The following HERPUD2 variants were observed in gnomAD, a reference collection of about 807,000 sequenced individuals.
HERPUD2 encodes the protein homocysteine-responsive endoplasmic reticulum-resident ubiquitin-like domain member 2 protein.
HERPUD2 carries 13 observed loss-of-function variants against 49.9 expected under a neutral mutation model. The observed-to-expected ratio is 0.26, with a 90% CI of 0.17 to 0.41. The LOEUF (loss-of-function observed/expected upper bound fraction) is 0.41. HERPUD2 is among the 10% of genes least tolerant of loss of function. HERPUD2 has a pLI of 1.00. For missense variants in HERPUD2, 449 were observed against 492.2 expected (o/e 0.91, Z 0.83); for synonymous variants, 172 against 171.4 (o/e 1.00, Z -0.03).
In HERPUD2 at chr7:35,633,063, C is replaced by A. The variant is rs143476624; in HGVS notation, c.*627G>T. Reference sequence around the variant, plus strand: ...TAGCTATAGACATTTATATGTGAAGCAGCTCTTTTTTTTTTTTTTCTGAGA... The same window carrying A: ...TAGCTATAGACATTTATATGTGAAGAAGCTCTTTTTTTTTTTTTTCTGAGA... On this transcript the variant is annotated 3_prime_UTR_variant, in exon 9 of 9. Coordinates refer to ENST00000311350, the MANE Select transcript of HERPUD2 (RefSeq NM_022373.5). 1 of 151,456 alleles carries A rather than the reference C, an allele frequency of 6.6e-6. No individual in the cohort carries two copies. The highest frequency in any genetic ancestry group is 1.5e-5 in the Non-Finnish European group (1 of 67,862). 9.4% of individuals were successfully genotyped at this position (151,456 alleles called of 1,614,324 possible).
chr7:35,640,946 G>T (rs566095443), intron 5 of HERPUD2, among the ~76,000 whole-genome samples: 2 of 152,180 alleles, frequency 1.3e-5, no homozygotes, highest in South Asian at 4.1e-4. Flanking sequence ...TGAAACCACA[G>T]ATAGCCTAGA....
At chr7:35,654,497 G>A (rs562291552) in intron 5 of HERPUD2, among the ~76,000 whole-genome samples, 3 of 151,100 alleles carry the variant, frequency 2.0e-5, no homozygotes, top group African/African-American at 7.3e-5. Context: ...AGAGAAAATG[G>A]GTAAATTCTT....
At chr7:35,658,647 A>ACT (rs1785336170) in intron 5 of HERPUD2, among the ~76,000 whole-genome samples, 1 of 152,250 alleles carries the variant, frequency 6.6e-6, no homozygotes, top group Admixed American at 6.5e-5. Flanking sequence ...TACAATAAGT[A>ACT]GCTTTTCAGA....
Position 35,635,392 on chromosome 7 carries a change from A to T in HERPUD2, c.684T>A (p.Pro228=). Residue 228 remains proline, a synonymous_variant, in exon 7 of 9, where the codon CCT becomes CCA. Coordinates refer to ENST00000311350, the MANE Select transcript of HERPUD2 (RefSeq NM_022373.5). ...CTCCAGGAACATGTGCCAAATTTAG[A>T]GGCTGTGAAGTAGTAGGCTGGGTTG... is the stretch of plus-strand genomic sequence containing the variant. ...VNPTQPTTSQ[P]LNLAHVPGEE... is the part of the protein sequence containing the mutation. 1 of 1,614,078 alleles carries T rather than the reference A, an allele frequency of 6.2e-7. No homozygotes were observed. Among genetic ancestry groups the T allele is most frequent in the Non-Finnish European group, 8.5e-7 (1 of 1,180,004 alleles).
intron 2 of HERPUD2, among the ~76,000 whole-genome samples, chr7:35,674,378 C>CATAT (rs1562682656): frequency 0.018 from 609 of 34,728 alleles, 61 homozygotes; most frequent in South Asian, 0.03. Context: ...AGTCTTACAA[C>CATAT]CTATATATAT....
At chr7:35,685,960 C>CAAAATAAATAAA (rs70974762) in intron 2 of HERPUD2, among the ~76,000 whole-genome samples, 7,678 of 147,906 alleles carry the variant, frequency 0.052, 278 homozygotes, top group Non-Finnish European at 0.074. Context: ...GACCCTGTCT[C>CAAAATAAATAAA]TAAATAAATA....
intron 5 of HERPUD2, among the ~76,000 whole-genome samples, chr7:35,661,466 G>A (rs1785420854): frequency 6.6e-6 from 1 of 152,168 alleles, no homozygotes; most frequent in Admixed American, 6.5e-5. Flanking sequence ...ACCTTGGGCA[G>A]TATGGCCATT....
chr7:35,647,696 T>C (rs1436275617), intron 5 of HERPUD2, among the ~76,000 whole-genome samples: 2 of 152,194 alleles, frequency 1.3e-5, no homozygotes, highest in South Asian at 2.1e-4. Flanking sequence ...ACTTCGGCAA[T>C]GCTGTTAAGA....
chr7:35,675,860 G>A (rs183544791), intron 2 of HERPUD2, among the ~76,000 whole-genome samples: 6 of 152,146 alleles, frequency 3.9e-5, no homozygotes, highest in Admixed American at 1.3e-4. Flanking sequence ...CTGCAGCCCC[G>A]AACTCCTGGG....
intron 8 of HERPUD2, 64 bp from the exon 9 acceptor site, chr7:35,633,915 T>C: frequency 6.7e-7 from 1 of 1,481,792 alleles, no homozygotes; most frequent in Non-Finnish European, 9.2e-7. Flanking sequence ...CATAATAGAA[T>C]ACAGTTAAAT....
intron 5 of HERPUD2, among the ~76,000 whole-genome samples, chr7:35,642,559 CA>C (rs2115845908): frequency 6.6e-6 from 1 of 152,256 alleles, no homozygotes; most frequent in East Asian, 1.9e-4. Flanking sequence ...GAATCAACCT[CA>C]ATGCTCATCA....
chr7:35,652,726 G>A (rs1360892416), intron 5 of HERPUD2, among the ~76,000 whole-genome samples: 1 of 151,446 alleles, frequency 6.6e-6, no homozygotes, highest in African/African-American at 2.4e-5. Context: ...AGGGAGAGAA[G>A]GAAGGAAAGG....
rs1784965530 is a variant in HERPUD2 at position 35,641,388 on chromosome 7, G to C, written c.495-2916C>G. Among the ~76,000 whole-genome samples the C allele has an allele frequency of 2.6e-5, 4 of 152,068 alleles. No individual in the cohort carries two copies. In the South Asian group the frequency reaches 8.3e-4, roughly 31 times the overall value. On this transcript the variant is annotated intron_variant, in intron 5 of 8. Transcript: ENST00000311350. The stretch of plus-strand genomic sequence containing the variant: ...AAGAAGAATCAATATCATTAAAATG[G>C]CCATATTATCCAAGGCAATTTGTAG...
chr7:35,693,828 G>C (rs1285013843), intron 2 of HERPUD2, among the ~76,000 whole-genome samples: 2 of 152,156 alleles, frequency 1.3e-5, no homozygotes, highest in African/African-American at 2.4e-5. Context: ...AGTAGACATA[G>C]GGTTTCACCA....
intron 4 of HERPUD2, among the ~76,000 whole-genome samples, chr7:35,668,187 A>G (rs1785576433): frequency 6.6e-6 from 1 of 152,196 alleles, no homozygotes; most frequent in African/African-American, 2.4e-5. Context: ...ACAGAAAATG[A>G]GATTGGACTA....
intron 6 of HERPUD2, among the ~76,000 whole-genome samples, 175 bp downstream of exon 6, chr7:35,638,175 A>G (rs935721764): frequency 2.0e-5 from 3 of 152,264 alleles, no homozygotes; most frequent in Non-Finnish European, 4.4e-5. Context: ...GAAGACAGGG[A>G]GGAGCCAAGG....
intron 2 of HERPUD2, among the ~76,000 whole-genome samples, chr7:35,686,733 A>C (rs887836627): frequency 3.7e-5 from 4 of 109,212 alleles, no homozygotes; most frequent in African/African-American, 1.2e-4. Flanking sequence ...AAAAAAAAAA[A>C]AAAAAAAAAA....
intron 1 of HERPUD2, 30 bp from the exon 2 acceptor site, chr7:35,694,657 G>A (rs1786276676): frequency 6.6e-6 from 2 of 301,588 alleles, no homozygotes; most frequent in South Asian, 4.2e-5. Context: ...GAGGGATGAG[G>A]GCACAACGGC....
chr7:35,651,000 C>A (rs761737051), intron 5 of HERPUD2, among the ~76,000 whole-genome samples: 69 of 152,272 alleles, frequency 4.5e-4, no homozygotes, highest in Non-Finnish European at 9.0e-4. Flanking sequence ...CACCTGAGTA[C>A]TCCTCCCAGA....
Sources: allele counts gnomAD v4.1 joint callset (sites outside exome capture counted in the v4.1 genomes callset), GRCh38; gene constraint gnomAD v4.1.1; transcripts MANE v1.5; gene names NCBI Gene and HGNC (gene_info 2026-07-23, HGNC 2026-07-21).